SLC16A9: variants seen among roughly 807,000 people sequenced by gnomAD.
SLC16A9 encodes the protein monocarboxylate transporter 9.
SLC16A9 carries 26 observed loss-of-function variants against 44.3 expected under a neutral mutation model. The ratio of observed to expected loss-of-function variants is 0.59; its 90% CI spans 0.43 to 0.81. The LOEUF is 0.81. Ranked by LOEUF, SLC16A9 falls within the 40% of genes least tolerant of loss-of-function variation. The probability of loss-of-function intolerance (pLI) is 0.00; values close to 1 mark genes in which losing one functional copy is unlikely to be tolerated. For missense variants in SLC16A9, 559 were observed against 595.8 expected (o/e 0.94, Z 0.64); for synonymous variants, 230 against 225.1 (o/e 1.02, Z -0.19).
At chr10:59,663,951 A>G (rs973044146) in intron 4 of SLC16A9, among the ~76,000 whole-genome samples, 1 of 151,566 alleles carries the variant, frequency 6.6e-6, no homozygotes, top group African/African-American at 2.4e-5. Flanking sequence ...GTTATACTAA[A>G]TATCAGTTTA....
intron 2 of SLC16A9, among the ~76,000 whole-genome samples, chr10:59,683,201 G>T (rs756560817): frequency 1.5e-4 from 23 of 152,310 alleles, no homozygotes; most frequent in Admixed American, 1.3e-4. Context: ...CACACAGGAA[G>T]AGAGCCCAGG....
At chr10:59,660,938 C>T (rs969365325) in intron 4 of SLC16A9, among the ~76,000 whole-genome samples, 27 of 152,170 alleles carry the variant, frequency 1.8e-4, no homozygotes, top group East Asian at 1.2e-3. Context: ...AAAAGGCCTT[C>T]GATAAAATTC....
intron 3 of SLC16A9, among the ~76,000 whole-genome samples, chr10:59,672,029 T>C (rs531285588): frequency 0.03 from 4,542 of 152,256 alleles, 213 homozygotes; most frequent in African/African-American, 0.1. Context: ...TAAAATTAGC[T>C]CCTTTCAGGC....
intron 3 of SLC16A9, among the ~76,000 whole-genome samples, chr10:59,665,458 A>G (rs2132431323): frequency 6.6e-6 from 1 of 152,354 alleles, no homozygotes; most frequent in South Asian, 2.1e-4. Flanking sequence ...ATGATTATCC[A>G]TAATTGCACA....
At chr10:59,688,896 G>A (rs886225588) in intron 1 of SLC16A9, among the ~76,000 whole-genome samples, 7 of 151,926 alleles carry the variant, frequency 4.6e-5, no homozygotes, top group Non-Finnish European at 8.8e-5. Context: ...AGGATGAAGA[G>A]AATTATCTCC....
At chr10:59,706,143 A>G (rs1197102972) in intron 1 of SLC16A9, among the ~76,000 whole-genome samples, 1 of 152,166 alleles carries the variant, frequency 6.6e-6, no homozygotes, top group African/African-American at 2.4e-5. Flanking sequence ...TTTGTCATTC[A>G]GTAGCACACT....
intron 2 of SLC16A9, among the ~76,000 whole-genome samples, chr10:59,682,788 G>A (rs1275954374): frequency 7.2e-6 from 1 of 138,594 alleles, no homozygotes; most frequent in East Asian, 2.2e-4. Flanking sequence ...TTGTACTTTG[G>A]TGGCTTTACA....
intron 3 of SLC16A9, 75 bp from the exon 4 acceptor site, chr10:59,664,397 A>C: frequency 1.0e-6 from 1 of 966,286 alleles, no homozygotes; most frequent in Non-Finnish European, 1.6e-6. Context: ...AAAAACAAGT[A>C]TGTCCGATAA....
chr10:59,702,919 C>T (rs1840556385), intron 1 of SLC16A9, among the ~76,000 whole-genome samples: 1 of 152,114 alleles, frequency 6.6e-6, no homozygotes, highest in Non-Finnish European at 1.5e-5. Flanking sequence ...AGGTTAAAGA[C>T]AATGAAGATT....
At chr10:59,683,301 C>A (rs929475071) in intron 2 of SLC16A9, among the ~76,000 whole-genome samples, 1 of 152,056 alleles carries the variant, frequency 6.6e-6, no homozygotes, top group African/African-American at 2.4e-5. Context: ...CTGCAGAGTT[C>A]AAACTATGAC....
chr10:59,688,474 C>G (rs1405939102), intron 1 of SLC16A9, among the ~76,000 whole-genome samples: 5 of 152,188 alleles, frequency 3.3e-5, no homozygotes, highest in Admixed American at 6.5e-5. Flanking sequence ...AATCTAGACA[C>G]TCAAACCATA....
rs920146421 is a variant in SLC16A9 at position 59,652,468 on chromosome 10, C to T, written c.*304G>A. 4.8e-6 allele frequency: 1 copy of T among 207,024 alleles called. No homozygotes were observed. The highest frequency in any genetic ancestry group is 9.5e-6 in the Non-Finnish European group (1 of 104,818). 12.8% of individuals were successfully genotyped at this position (207,024 alleles called of 1,614,324 possible). On this transcript the variant is annotated 3_prime_UTR_variant, in exon 6 of 6. Transcript: ENST00000395348. ...GGCAGAGAAATTATACTTCTTTACACAGAGAAAGCCTTCTGAGGCTGGTCA... is the reference window on the plus strand; with the variant it reads ...GGCAGAGAAATTATACTTCTTTACATAGAGAAAGCCTTCTGAGGCTGGTCA...
chr10:59,677,278 A>T (rs1407955298), intron 2 of SLC16A9, among the ~76,000 whole-genome samples: 2 of 151,884 alleles, frequency 1.3e-5, no homozygotes, highest in Admixed American at 6.6e-5. Flanking sequence ...AATTATAGAG[A>T]CAGGGTCTCA....
At chr10:59,685,441 A>C (rs1840109970) in intron 1 of SLC16A9, among the ~76,000 whole-genome samples, 2 of 152,244 alleles carry the variant, frequency 1.3e-5, no homozygotes, top group Admixed American at 1.3e-4. Flanking sequence ...TTCTTTATGC[A>C]TACACTGGCA....
chr10:59,677,352 A>G (rs1290010675), intron 2 of SLC16A9, among the ~76,000 whole-genome samples: 1 of 151,974 alleles, frequency 6.6e-6, no homozygotes, highest in Non-Finnish European at 1.5e-5. Context: ...CAGCCTCCCA[A>G]AGCTCTAAGT....
intron 4 of SLC16A9, among the ~76,000 whole-genome samples, chr10:59,657,857 C>T (rs1301064242): frequency 6.6e-6 from 1 of 152,158 alleles, no homozygotes; most frequent in Non-Finnish European, 1.5e-5. Context: ...TGGACCCTCC[C>T]CTTGGCCAAG....
chr10:59,652,462 T>A lies in SLC16A9; in HGVS notation c.*310A>T. On this transcript the variant is annotated 3_prime_UTR_variant, in exon 6 of 6. Transcript: ENST00000395348. ...GGAGTCGGCAGAGAAATTATACTTCTTTACACAGAGAAAGCCTTCTGAGGC... is the reference window on the plus strand; with the variant it reads ...GGAGTCGGCAGAGAAATTATACTTCATTACACAGAGAAAGCCTTCTGAGGC... 4.9e-6 allele frequency: 1 copy of A among 202,140 alleles called. No homozygotes were observed. The highest frequency in any genetic ancestry group is 9.9e-6 in the Non-Finnish European group (1 of 101,466). 12.5% of individuals were successfully genotyped at this position (202,140 alleles called of 1,614,324 possible). A position where few individuals can be genotyped will look rare whatever the true frequency, so the allele number is the denominator to read the frequency against.
In SLC16A9 at chr10:59,651,208, G is replaced by A. The variant is rs1168299162; in HGVS notation, c.*1564C>T. The A allele has an allele frequency of 6.6e-6, 1 of 152,134 alleles. No individual in the cohort carries two copies. Among genetic ancestry groups the A allele is most frequent in the Non-Finnish European group, 1.5e-5 (1 of 68,020 alleles). 9.4% of individuals were successfully genotyped at this position (152,134 alleles called of 1,614,324 possible). On this transcript the variant is annotated 3_prime_UTR_variant, in exon 6 of 6. Coordinates refer to ENST00000395348, the MANE Select transcript of SLC16A9 (RefSeq NM_194298.3). ...TATTTACCTACCTCACAGAGGTATT[G>A]TGAGGATTTGTGTTTATAAAGTGCT...
intron 1 of SLC16A9, among the ~76,000 whole-genome samples, chr10:59,696,629 GC>G (rs1226088537): frequency 4.6e-5 from 7 of 150,556 alleles, no homozygotes; most frequent in Admixed American, 4.6e-4. Context: ...GAGCGTCTCT[GC>G]CCGGCCGCCA....
Sources: gnomAD v4.1 joint callset for allele counts (sites outside exome capture counted in the v4.1 genomes callset) on GRCh38, gnomAD v4.1.1 for gene constraint, MANE v1.5 for transcripts, NCBI Gene and HGNC (gene_info 2026-07-23, HGNC 2026-07-21) for gene names.